WDPCP: variants seen among roughly 807,000 people sequenced by gnomAD.
WDPCP encodes WD repeat containing planar cell polarity effector.
A neutral mutation model predicts 93.1 loss-of-function variants in WDPCP; 71 were observed. The observed-to-expected ratio is 0.76, with a 90% CI of 0.63 to 0.93. The LOEUF (loss-of-function observed/expected upper bound fraction) is 0.93, where lower values mean the gene tolerates loss of function less well. WDPCP is among the 40% of genes least tolerant of loss of function. The probability of loss-of-function intolerance (pLI) is 0.00; values close to 1 mark genes in which losing one functional copy is unlikely to be tolerated. For synonymous variants in WDPCP, 315 were observed against 315.0 expected (o/e 1.00, Z 0.00); for missense variants, 844 against 887.4 (o/e 0.95, Z 0.62).
Position 63,588,056 on chromosome 2 carries a change from C to A in WDPCP, c.75+141G>T, listed in dbSNP as rs74819856. The A allele has an allele frequency of 9.1e-4, 924 of 1,015,266 alleles. 6 individuals carry two copies. The African/African-American group carries it at 0.013, about 14-fold the overall frequency. The allele number at this position is 1,015,266 out of a possible 1,614,324, so 62.9% of individuals were successfully genotyped here. ...CTCCAAAATAGCTGCATTCCCACAGCCCTCATACTCCGCTCAGAAAAGGGA... is the reference window on the plus strand; with the variant it reads ...CTCCAAAATAGCTGCATTCCCACAGACCTCATACTCCGCTCAGAAAAGGGA... On this transcript the variant is annotated intron_variant, in intron 1 of 17. Coordinates refer to ENST00000272321, the MANE Select transcript of WDPCP (RefSeq NM_015910.7).
At chr2:63,575,035 T>C (rs1431417711) in intron 1 of WDPCP, among the ~76,000 whole-genome samples, 2 of 152,036 alleles carry the variant, frequency 1.3e-5, no homozygotes, top group Non-Finnish European at 2.9e-5. Flanking sequence ...CCTTATCCTT[T>C]AAAAATGGTC....
chr2:63,423,794 G>A lies in WDPCP; in HGVS notation c.825+9951C>T, dbSNP rs144327070. Among the ~76,000 whole-genome samples, 20 of 152,298 alleles carry A rather than the reference G, an allele frequency of 1.3e-4. No individual in the cohort carries two copies. The East Asian group carries it at 3.5e-3, about 26-fold the overall frequency. On this transcript the variant is annotated intron_variant, in intron 9 of 17. Transcript: ENST00000272321. ...CAAATGAATAAAATACTAGTTCTAG[G>A]AGGATGGTAATAACTTTCCAAAAAG...
intron 10 of WDPCP, among the ~76,000 whole-genome samples, chr2:63,384,287 A>G (rs1692555319): frequency 6.6e-6 from 1 of 152,148 alleles, no homozygotes; most frequent in African/African-American, 2.4e-5. Context: ...AAAAAGAGAG[A>G]TGATACAATT....
chr2:63,380,021 G>C (rs1692170508), intron 11 of WDPCP, among the ~76,000 whole-genome samples: 2 of 152,076 alleles, frequency 1.3e-5, no homozygotes, highest in African/African-American at 4.8e-5. Context: ...GCAAGAATCT[G>C]ATAATGCCCA....
intron 1 of WDPCP, among the ~76,000 whole-genome samples, chr2:63,553,620 A>C (rs1705848434): frequency 6.6e-6 from 1 of 152,096 alleles, no homozygotes; most frequent in Non-Finnish European, 1.5e-5. Flanking sequence ...CCTTTACATC[A>C]ATCTGATGCT....
chr2:63,522,451 G>GACACACACACACAC (rs1342647114), intron 1 of WDPCP, among the ~76,000 whole-genome samples: 6 of 92,068 alleles, frequency 6.5e-5, no homozygotes, highest in Non-Finnish European at 8.5e-5. Context: ...CAGACAGACA[G>GACACACACACACAC]ACAGACACAC....
intron 2 of WDPCP, among the ~76,000 whole-genome samples, chr2:63,724,413 T>A (rs1669468847): frequency 6.6e-6 from 1 of 152,164 alleles, no homozygotes; most frequent in Non-Finnish European, 1.5e-5. Context: ...CTGAGGAACC[T>A]ACTTGCCAGT....
chr2:63,588,021 G>A (rs1708988773), intron 1 of WDPCP, among the ~76,000 whole-genome samples, 176 bp downstream of exon 1: 1 of 152,180 alleles, frequency 6.6e-6, no homozygotes, highest in Admixed American at 6.5e-5. Context: ...CTACTCCAGG[G>A]CACCACCCCC....
At chr2:63,735,896 G>C (rs1400861926) in intron 2 of WDPCP, among the ~76,000 whole-genome samples, 1 of 152,158 alleles carries the variant, frequency 6.6e-6, no homozygotes, top group Non-Finnish European at 1.5e-5. Context: ...AATAACCCTA[G>C]CTCTCTGTTA....
intron 1 of WDPCP, among the ~76,000 whole-genome samples, chr2:63,559,175 C>A (rs967683054): frequency 3.9e-5 from 6 of 152,128 alleles, no homozygotes; most frequent in Non-Finnish European, 5.9e-5. Context: ...AAGAAAAAAA[C>A]CACATGATTA....
intron 12 of WDPCP, among the ~76,000 whole-genome samples, chr2:63,365,810 T>C (rs866103095): frequency 6.6e-6 from 1 of 152,206 alleles, no homozygotes; most frequent in Non-Finnish European, 1.5e-5. Context: ...TATAAGTTCA[T>C]TTAGTAGCAT....
intron 3 of WDPCP, among the ~76,000 whole-genome samples, chr2:63,593,838 G>T (rs1709250331): frequency 3.3e-5 from 5 of 152,050 alleles, no homozygotes; most frequent in African/African-American, 1.2e-4. Flanking sequence ...TTGAATATCA[G>T]TTATCTTTGT....
intron 1 of WDPCP, among the ~76,000 whole-genome samples, chr2:63,540,184 A>G (rs1704602015): frequency 1.3e-5 from 2 of 152,214 alleles, no homozygotes; most frequent in Non-Finnish European, 2.9e-5. Context: ...TTTATAAACA[A>G]TAGACAAATA....
At chr2:63,148,089 G>A (rs1671648731) in intron 17 of WDPCP, among the ~76,000 whole-genome samples, 1 of 152,064 alleles carries the variant, frequency 6.6e-6, no homozygotes, top group South Asian at 2.1e-4. Context: ...TTCCTAGAAG[G>A]AACAGTTATT....
intron 2 of WDPCP, among the ~76,000 whole-genome samples, chr2:63,787,159 A>C (rs1261064924): frequency 6.6e-6 from 1 of 152,232 alleles, no homozygotes; most frequent in East Asian, 1.9e-4. Flanking sequence ...ATGGAGAAAG[A>C]AATTATGGTA....
chr2:63,657,406 C>T (rs1477716343), intron 2 of WDPCP, among the ~76,000 whole-genome samples: 1 of 151,994 alleles, frequency 6.6e-6, no homozygotes, highest in Non-Finnish European at 1.5e-5. Flanking sequence ...CGGGGTTTCA[C>T]CGTGTTAGCC....
chr2:63,520,148 C>G (rs1702821702), intron 1 of WDPCP, among the ~76,000 whole-genome samples: 2 of 152,124 alleles, frequency 1.3e-5, no homozygotes, highest in South Asian at 4.1e-4. Flanking sequence ...AGCTTGAAGA[C>G]TGGTTCTCCA....
chr2:63,563,058 CACATACAT>C (rs371098027), intron 1 of WDPCP, among the ~76,000 whole-genome samples: 2 of 152,046 alleles, frequency 1.3e-5, no homozygotes, highest in African/African-American at 2.4e-5. Flanking sequence ...AATACACACA[CACATACAT>C]ACATACATAC....
chr2:63,797,584 C>G (rs1301717696), intron 2 of WDPCP, among the ~76,000 whole-genome samples: 7 of 149,702 alleles, frequency 4.7e-5, no homozygotes, highest in African/African-American at 1.7e-4. Context: ...TGTTTTGAGA[C>G]TTGGTCTCAA....
Sources: allele counts gnomAD v4.1 joint callset (sites outside exome capture counted in the v4.1 genomes callset), GRCh38; gene constraint gnomAD v4.1.1; transcripts MANE v1.5; gene names NCBI Gene and HGNC (gene_info 2026-07-23, HGNC 2026-07-21).